Variants in WLS observed in about 807,000 individuals in gnomAD.
WLS encodes protein wntless homolog.
In WLS, 23 loss-of-function variants were observed where a neutral mutation model predicts 62.8. The ratio of observed to expected loss-of-function variants is 0.37; its 90% CI spans 0.26 to 0.52. The LOEUF is 0.52. Ranked by LOEUF, WLS falls within the 20% of genes least tolerant of loss-of-function variation. The pLI, the probability that WLS is intolerant of heterozygous loss-of-function variation, is 0.92. For synonymous variants in WLS, 246 were observed against 244.1 expected (o/e 1.01, Z -0.07); for missense variants, 615 against 697.3 (o/e 0.88, Z 1.33).
intron 11 of WLS, among the ~76,000 whole-genome samples, chr1:68,113,390 A>G (rs963600770): frequency 1.3e-5 from 2 of 152,308 alleles, no homozygotes; most frequent in East Asian, 3.9e-4. Context: ...GAATGACCCT[A>G]GTAATCTACT....
Position 68,159,237 on chromosome 1 carries a change from T to C in WLS, c.390A>G (p.Ala130=), listed in dbSNP as rs1646940273. 1 of 1,613,064 alleles carries C rather than the reference T, an allele frequency of 6.2e-7. No homozygotes were observed. Among genetic ancestry groups the C allele is most frequent in the Non-Finnish European group, 8.5e-7 (1 of 1,179,766 alleles). ...FKLNNQIREN[A]EVSMDVSLAY... ...CCAGGGAAACGTCCATGGAGACTTC[T>C]GCATTTTCTCCTGCAAGAGAAAGGA... The change falls in exon 3 of 12, where the codon GCA becomes GCG. Residue 130 remains alanine (A), a synonymous_variant. Transcript: ENST00000262348.
At chr1:68,110,749 A>G (rs12045469) in intron 11 of WLS, among the ~76,000 whole-genome samples, 3 of 4,968 alleles carry the variant, frequency 6.0e-4, no homozygotes, top group Non-Finnish European at 3.3e-3. Context: ...ATATGTGTGT[A>G]TATATATATA....
At chr1:68,121,671 C>T (rs1334660144), downstream of WLS, among the ~76,000 whole-genome samples, 1 of 152,192 alleles carries the variant, frequency 6.6e-6, no homozygotes, top group East Asian at 1.9e-4. Flanking sequence ...AGTACAGGCT[C>T]ATGAATGTCT....
chr1:68,109,429 G>A (rs12732515), intron 11 of WLS, among the ~76,000 whole-genome samples: 70,863 of 152,050 alleles, frequency 0.47, 16,801 homozygotes, highest in Middle Eastern at 0.54. Context: ...AAGAGATGAG[G>A]TATGCCAGAC....
At chr1:68,114,513 A>G (rs1211874347) in intron 11 of WLS, among the ~76,000 whole-genome samples, 2 of 152,248 alleles carry the variant, frequency 1.3e-5, no homozygotes, top group Admixed American at 1.3e-4. Flanking sequence ...TGTTCCCAAC[A>G]GCAATGCTAA....
chr1:68,115,301 C>T (rs1340870977), intron 11 of WLS, among the ~76,000 whole-genome samples: 2 of 152,192 alleles, frequency 1.3e-5, no homozygotes, highest in Admixed American at 1.3e-4. Context: ...ATGCCTAGAA[C>T]CCCAGTAATG....
chr1:68,232,378 C>A lies in WLS; in HGVS notation c.-79G>T. On this transcript the variant is annotated 5_prime_UTR_variant, in exon 1 of 12. Transcript: ENST00000262348. ...TTTTTGCTCCCTCCTCTCACACACT[C>A]CCTCCTTCCTCGCCTCCTTTCTGGG... 6.5e-7 allele frequency: 1 copy of A among 1,529,070 alleles called. No homozygotes were observed. The highest frequency in any genetic ancestry group is 8.8e-7 in the Non-Finnish European group (1 of 1,135,836). 94.7% of individuals were successfully genotyped at this position (1,529,070 alleles called of 1,614,324 possible). A position where few individuals can be genotyped will look rare whatever the true frequency, so the allele number is the denominator to read the frequency against.
chr1:68,205,686 ATT>A (rs1401094094), intron 1 of WLS, among the ~76,000 whole-genome samples: 1 of 152,202 alleles, frequency 6.6e-6, no homozygotes, highest in African/African-American at 2.4e-5. Context: ...TGTAGGGAAG[ATT>A]TTGGCCATTT....
chr1:68,185,247 T>A (rs1016837963), intron 2 of WLS, among the ~76,000 whole-genome samples: 2 of 151,908 alleles, frequency 1.3e-5, no homozygotes, highest in African/African-American at 4.8e-5. Flanking sequence ...TAAATACGCG[T>A]TCCCATGACC....
rs187725787 is a variant in WLS, at chr1:68,154,013, A to G, written c.667-360T>C. ...ATCTTACCTTGGACTCATCCCACTG[A>G]TATTAAAATGCTAATACCTAAAGAT... On this transcript the variant is annotated intron_variant, in intron 4 of 11. Coordinates refer to ENST00000262348, the MANE Select transcript of WLS (RefSeq NM_024911.7). Among the ~76,000 whole-genome samples the G allele has an allele frequency of 2.6e-5, 4 of 152,272 alleles. No homozygotes were observed. The East Asian group carries it at 5.8e-4, about 22-fold the overall frequency.
intron 1 of WLS, among the ~76,000 whole-genome samples, chr1:68,223,062 A>G (rs1650006124): frequency 6.6e-6 from 1 of 152,156 alleles, no homozygotes; most frequent in Admixed American, 6.5e-5. Flanking sequence ...TCATGTTACC[A>G]TACTTCTACA....
intron 2 of WLS, among the ~76,000 whole-genome samples, chr1:68,185,215 A>T (rs575219521): frequency 2.0e-5 from 3 of 152,226 alleles, no homozygotes; most frequent in Non-Finnish European, 4.4e-5. Flanking sequence ...TGCCCATCGA[A>T]AAAACAGGTT....
At chr1:68,151,018 A>G (rs770182495) in intron 5 of WLS, among the ~76,000 whole-genome samples, 145 of 152,220 alleles carry the variant, frequency 9.5e-4, no homozygotes, top group Non-Finnish European at 1.7e-3. Context: ...AATGAACAGG[A>G]CCTGTTTTTT....
rs75433566 is a variant in WLS, at chr1:68,187,923, G to T, written c.379+6032C>A. ...GGTGGTATAATTTTAGAAATTTATC[G>T]TTGACTTTTAAAATTTCACCTAAAC... On this transcript the variant is annotated intron_variant, in intron 2 of 11. Transcript: ENST00000262348. Among the ~76,000 whole-genome samples the T allele has an allele frequency of 2.0e-5, 3 of 151,970 alleles. No individual in the cohort carries two copies. In the South Asian group the frequency reaches 6.2e-4, roughly 32 times the overall value.
chr1:68,180,865 A>G (rs1335050580), intron 2 of WLS, among the ~76,000 whole-genome samples: 5 of 152,202 alleles, frequency 3.3e-5, no homozygotes, highest in East Asian at 1.9e-4. Flanking sequence ...AACAACCTGG[A>G]CCAGAACAAA....
intron 5 of WLS, among the ~76,000 whole-genome samples, chr1:68,151,695 C>G (rs1337161675): frequency 6.6e-6 from 1 of 151,746 alleles, no homozygotes; most frequent in Non-Finnish European, 1.5e-5. Flanking sequence ...GTGTGAAGGC[C>G]CTGGGGTGTG....
At chr1:68,158,667 C>T (rs551124611) in intron 3 of WLS, among the ~76,000 whole-genome samples, 1 of 152,274 alleles carries the variant, frequency 6.6e-6, no homozygotes, top group African/African-American at 2.4e-5. Context: ...ACATTCAAAG[C>T]CGTCCTGGGC....
intron 2 of WLS, chr1:68,162,334 ATGAGG>A: frequency 1.2e-6 from 2 of 1,613,872 alleles, no homozygotes; most frequent in South Asian, 2.2e-5. Flanking sequence ...AAAGTCATTG[ATGAGG>A]TGGTGGTTAT....
rs186920207 is a variant in WLS, at chr1:68,232,362, C to T, written c.-63G>A. ...ATGTTTTAGGGTGAGCTTTTTGCTC[C>T]CTCCTCTCACACACTCCCTCCTTCC... On this transcript the variant is annotated 5_prime_UTR_variant, in exon 1 of 12. Transcript: ENST00000262348. The T allele has an allele frequency of 2.2e-4, 349 of 1,569,614 alleles. 2 individuals are homozygous for T. In the East Asian group the frequency reaches 7.3e-3, roughly 33 times the overall value.
Sources: gnomAD v4.1 joint callset for allele counts (sites outside exome capture counted in the v4.1 genomes callset) on GRCh38, gnomAD v4.1.1 for gene constraint, MANE v1.5 for transcripts, NCBI Gene and HGNC (gene_info 2026-07-23, HGNC 2026-07-21) for gene names.